The following ERC2 variants were observed in gnomAD, a reference collection of about 807,000 sequenced individuals.
ERC2 encodes the protein ELKS/RAB6-interacting/CAST family member 2, also known as ERC protein 2.
A neutral mutation model predicts 114.8 loss-of-function variants in ERC2; 42 were observed. That is an observed-to-expected ratio of 0.37 (90% CI 0.29 to 0.47). The LOEUF is 0.47. ERC2 is among the 20% of genes least tolerant of loss of function. The pLI is 0.99. For missense variants in ERC2, 939 were observed against 1,150.7 expected (o/e 0.82, Z 2.66); for synonymous variants, 454 against 425.5 (o/e 1.07, Z -0.82).
chr3:55,769,274 C>T (rs2068033203), intron 14 of ERC2, among the ~76,000 whole-genome samples: 1 of 152,084 alleles, frequency 6.6e-6, no homozygotes, highest in Admixed American at 6.6e-5. Flanking sequence ...GAGGTCAAGT[C>T]ATTCAACATT....
intron 13 of ERC2, among the ~76,000 whole-genome samples, chr3:55,902,229 G>A (rs1016696398): frequency 3.9e-5 from 6 of 152,102 alleles, no homozygotes; most frequent in African/African-American, 9.7e-5. Flanking sequence ...CAGACATAAC[G>A]TGCCAGAATG....
chr3:55,962,616 T>C (rs1309231834), intron 12 of ERC2, among the ~76,000 whole-genome samples: 1 of 152,238 alleles, frequency 6.6e-6, no homozygotes. Context: ...TCACATGATG[T>C]GCTCTAGGCA....
At chr3:55,686,489 T>C (rs777778670) in intron 16 of ERC2, among the ~76,000 whole-genome samples, 6 of 152,148 alleles carry the variant, frequency 3.9e-5, no homozygotes, top group Non-Finnish European at 5.9e-5. Context: ...AAAACAAAAA[T>C]GCAGGAGCTA....
chr3:55,796,369 G>T (rs1373943182), intron 14 of ERC2, among the ~76,000 whole-genome samples: 1 of 152,228 alleles, frequency 6.6e-6, no homozygotes, highest in Admixed American at 6.5e-5. Flanking sequence ...CCAGAGTTTA[G>T]AACAGATCAG....
rs191970677 is a variant in ERC2, at chr3:56,419,754, G to A, written c.657+14597C>T. ...GATCTTGATCTAAATATCCTGAGAT[G>A]CCCTTCGAGTTTGCAGTAGGGATGA... On this transcript the variant is annotated intron_variant, in intron 2 of 17. Coordinates refer to ENST00000288221, the MANE Select transcript of ERC2 (RefSeq NM_015576.3). 5.5e-3 allele frequency among the ~76,000 whole-genome samples: 843 copies of A among 152,278 alleles called. 5 individuals are homozygous for A. The highest frequency in any genetic ancestry group is 8.6e-3 in the Non-Finnish European group (586 of 68,012).
rs942906136 is a variant in ERC2 at position 56,010,571 on chromosome 3, A to G, written c.1798T>C (p.Leu600=). 2 of 1,613,352 alleles carry G rather than the reference A, an allele frequency of 1.2e-6. No individual in the cohort carries two copies. Among genetic ancestry groups the G allele is most frequent in the Non-Finnish European group, 1.7e-6 (2 of 1,179,656 alleles). The change falls in exon 9 of 18, where the codon TTG becomes CTG. Residue 600 remains leucine, a synonymous_variant. Transcript: ENST00000288221. The part of the protein sequence containing the change: ...LSEKERIIER[L]KEQRERDDRE... The stretch of plus-strand genomic sequence containing the variant: ...TCATCTCTTTCTCGCTGTTCTTTCA[A>G]GCGCTCAATTATTCTCTCCTGTAAG...
At chr3:56,143,946 C>T (rs1480523795) in intron 5 of ERC2, among the ~76,000 whole-genome samples, 1 of 152,146 alleles carries the variant, frequency 6.6e-6, no homozygotes, top group African/African-American at 2.4e-5. Flanking sequence ...GGTTGCATAA[C>T]TTAGTAGAAA....
In ERC2 at chr3:56,388,835, A is replaced by G. The variant is rs928614676; in HGVS notation, c.657+45516T>C. ...GAACCCTAACAGCAACTCAGCATTCAATACCTTGCTTATAGGTGGCACGCC... is the reference window on the plus strand; with the variant it reads ...GAACCCTAACAGCAACTCAGCATTCGATACCTTGCTTATAGGTGGCACGCC... On this transcript the variant is annotated intron_variant, in intron 2 of 17. Transcript: ENST00000288221. Among the ~76,000 whole-genome samples the G allele has an allele frequency of 2.0e-5, 3 of 152,182 alleles. No homozygotes were observed. In the South Asian group the frequency reaches 6.2e-4, roughly 31 times the overall value.
intron 3 of ERC2, among the ~76,000 whole-genome samples, chr3:56,284,049 T>C (rs1323360211): frequency 1.3e-5 from 2 of 152,250 alleles, no homozygotes; most frequent in Non-Finnish European, 2.9e-5. Flanking sequence ...TAATTCACAC[T>C]GGCAGTTGAA....
chr3:55,923,897 C>G (rs1228227633), intron 13 of ERC2, among the ~76,000 whole-genome samples: 2 of 152,142 alleles, frequency 1.3e-5, no homozygotes, highest in East Asian at 1.9e-4. Flanking sequence ...AGGGTTAAGG[C>G]AGCCACCAAT....
intron 14 of ERC2, among the ~76,000 whole-genome samples, chr3:55,767,799 C>T (rs1270709725): frequency 6.6e-6 from 1 of 152,196 alleles, no homozygotes; most frequent in Non-Finnish European, 1.5e-5. Context: ...TCAAGTTAAG[C>T]TATGAACGTT....
At position 56,397,221 on chromosome 3, in the gene ERC2, C is replaced by A. The variant is rs889628145; in HGVS notation, c.657+37130G>T. Among the ~76,000 whole-genome samples, 6 of 152,210 alleles carry A rather than the reference C, an allele frequency of 3.9e-5. No individual in the cohort carries two copies. In the South Asian group the frequency reaches 8.3e-4, roughly 21 times the overall value. On this transcript the variant is annotated intron_variant, in intron 2 of 17. Coordinates refer to ENST00000288221, the MANE Select transcript of ERC2 (RefSeq NM_015576.3). Reference sequence around the variant, plus strand: ...AAAATGGGCCGGGCACAGTGGCATGCACCTGTAGTCCCAGCTACTTGGGAG... The same window carrying A: ...AAAATGGGCCGGGCACAGTGGCATGAACCTGTAGTCCCAGCTACTTGGGAG...
chr3:55,561,108 C>T (rs959160408), intron 17 of ERC2, among the ~76,000 whole-genome samples: 3 of 150,660 alleles, frequency 2.0e-5, no homozygotes, highest in Non-Finnish European at 4.4e-5. Flanking sequence ...TAGATGATGT[C>T]GGCACAGTCA....
At chr3:56,048,230 G>C (rs1043119056) in intron 7 of ERC2, among the ~76,000 whole-genome samples, 1 of 152,162 alleles carries the variant, frequency 6.6e-6, no homozygotes, top group African/African-American at 2.4e-5. Context: ...GAGGGGGCAG[G>C]AAGAAGCTAT....
intron 3 of ERC2, among the ~76,000 whole-genome samples, chr3:56,178,586 T>C (rs2083111141): frequency 6.6e-6 from 1 of 152,190 alleles, no homozygotes; most frequent in South Asian, 2.1e-4. Flanking sequence ...CAACACCAAT[T>C]GGAGGAATCA....
chr3:56,278,291 G>T (rs2054137084), intron 3 of ERC2, among the ~76,000 whole-genome samples: 1 of 152,212 alleles, frequency 6.6e-6, no homozygotes, highest in South Asian at 2.1e-4. Context: ...ACATCACATT[G>T]TTTCTTTCAG....
intron 7 of ERC2, among the ~76,000 whole-genome samples, chr3:56,051,844 C>T (rs2075784625): frequency 7.0e-6 from 1 of 142,600 alleles, no homozygotes; most frequent in African/African-American, 3.0e-5. Flanking sequence ...CACACACACA[C>T]ACACACACAC....
At chr3:56,103,611 G>C (rs1364073347) in intron 6 of ERC2, among the ~76,000 whole-genome samples, 1 of 152,090 alleles carries the variant, frequency 6.6e-6, no homozygotes, top group Non-Finnish European at 1.5e-5. Flanking sequence ...ACAATAGGGA[G>C]GCAGGAGAGT....
intron 12 of ERC2, among the ~76,000 whole-genome samples, chr3:55,958,780 G>A (rs901435562): frequency 2.6e-5 from 4 of 152,228 alleles, no homozygotes; most frequent in African/African-American, 7.2e-5. Context: ...CCACACAGGA[G>A]CAGGCACCAG....
Sources: allele counts gnomAD v4.1 joint callset (sites outside exome capture counted in the v4.1 genomes callset), GRCh38; gene constraint gnomAD v4.1.1; transcripts MANE v1.5; gene names NCBI Gene and HGNC (gene_info 2026-07-23, HGNC 2026-07-21).